Variants in SNX29 observed in about 807,000 individuals in gnomAD.
The protein encoded by SNX29 is sorting nexin 29.
A neutral mutation model predicts 102.1 loss-of-function variants in SNX29; 78 were observed. That is an observed-to-expected ratio of 0.76 (90% CI 0.64 to 0.92). The LOEUF (loss-of-function observed/expected upper bound fraction) is 0.92, where lower values mean the gene tolerates loss of function less well. Among genes scored for constraint, SNX29 ranks in the 40% least tolerant of loss-of-function variants. The pLI, the probability that SNX29 is intolerant of heterozygous loss-of-function variation, is 0.00. For missense variants in SNX29, 1,280 were observed against 1,061.7 expected (o/e 1.21, Z -2.86); for synonymous variants, 580 against 414.5 (o/e 1.40, Z -4.85).
At chr16:12,506,721 G>C (rs889547280) in intron 19 of SNX29, among the ~76,000 whole-genome samples, 3 of 152,200 alleles carry the variant, frequency 2.0e-5, no homozygotes, top group African/African-American at 7.2e-5. Context: ...TCAGGCTTGA[G>C]AACATCAACT....
In SNX29 at chr16:12,572,602, C is replaced by G; in HGVS notation, c.*3973C>G. On this transcript the variant is annotated 3_prime_UTR_variant, in exon 21 of 21. Transcript: ENST00000566228. ...GTTCTCTGGGCTCCCAGTGAGCCCC[C>G]TCCCCTCCGGCTACCCCCAGAATCC... 9.4e-7 allele frequency: 1 copy of G among 1,064,384 alleles called. No homozygotes were observed. Among genetic ancestry groups the G allele is most frequent in the East Asian group, 5.0e-5 (1 of 20,020 alleles). The allele number at this position is 1,064,384 out of a possible 1,614,324, so 65.9% of individuals were successfully genotyped here.
chr16:12,462,016 TACACACACACAC>T (rs375061825), intron 18 of SNX29, among the ~76,000 whole-genome samples: 6 of 65,192 alleles, frequency 9.2e-5, no homozygotes, highest in South Asian at 6.5e-4. Context: ...TATATATGTA[TACACACACACAC>T]ACACACACAC....
intron 11 of SNX29, among the ~76,000 whole-genome samples, chr16:12,082,693 A>G (rs2051967012): frequency 1.3e-5 from 2 of 152,172 alleles, no homozygotes; most frequent in Non-Finnish European, 2.9e-5. Flanking sequence ...GATACTTGGT[A>G]GAAACGTGGT....
chr16:11,997,556 C>T (rs1007313865), intron 1 of SNX29, among the ~76,000 whole-genome samples: 1 of 151,920 alleles, frequency 6.6e-6, no homozygotes, highest in Non-Finnish European at 1.5e-5. Flanking sequence ...CAGCTCACTG[C>T]AGCCATTGCC....
chr16:11,993,257 G>C (rs1419073631), intron 1 of SNX29, among the ~76,000 whole-genome samples: 1 of 152,140 alleles, frequency 6.6e-6, no homozygotes, highest in Non-Finnish European at 1.5e-5. Flanking sequence ...AGTTTACCTG[G>C]AGCTCCAGGG....
chr16:12,286,430 C>G (rs1467242878), intron 15 of SNX29, among the ~76,000 whole-genome samples: 5 of 149,554 alleles, frequency 3.3e-5, no homozygotes, highest in Non-Finnish European at 5.9e-5. Flanking sequence ...ACTGCAAGCT[C>G]TGCCTCCCGG....
At chr16:12,134,984 C>G (rs2054608012) in intron 13 of SNX29, among the ~76,000 whole-genome samples, 1 of 152,174 alleles carries the variant, frequency 6.6e-6, no homozygotes, top group Non-Finnish European at 1.5e-5. Flanking sequence ...GGCCCAAGAG[C>G]CAGAGAACCT....
intron 20 of SNX29, among the ~76,000 whole-genome samples, chr16:12,561,488 G>A (rs956363248): frequency 6.6e-6 from 1 of 152,020 alleles, no homozygotes; most frequent in Non-Finnish European, 1.5e-5. Context: ...TGACCGGCTC[G>A]CCAGACCCAG....
At chr16:12,535,423 C>A (rs903355812) in intron 20 of SNX29, among the ~76,000 whole-genome samples, 3 of 152,218 alleles carry the variant, frequency 2.0e-5, no homozygotes, top group Admixed American at 6.5e-5. Flanking sequence ...TGAGCCACTG[C>A]GCCTGGCCAG....
intron 20 of SNX29, among the ~76,000 whole-genome samples, chr16:12,550,727 G>T (rs561909953): frequency 1.3e-5 from 2 of 152,090 alleles, no homozygotes; most frequent in Non-Finnish European, 2.9e-5. Flanking sequence ...ACACTCCTGT[G>T]TTGCCTATTT....
chr16:12,294,896 A>T (rs550052110), intron 15 of SNX29, among the ~76,000 whole-genome samples: 7 of 135,478 alleles, frequency 5.2e-5, no homozygotes, highest in African/African-American at 1.5e-4. Flanking sequence ...TAATTTATTT[A>T]AAAAAAAAAG....
intron 3 of SNX29, among the ~76,000 whole-genome samples, chr16:12,012,251 G>A (rs1215504100): frequency 6.6e-6 from 1 of 152,144 alleles, no homozygotes; most frequent in Non-Finnish European, 1.5e-5. Flanking sequence ...TTAGGCAGAG[G>A]GAATAGCAGA....
intron 18 of SNX29, among the ~76,000 whole-genome samples, chr16:12,454,491 T>C (rs1461580553): frequency 6.6e-6 from 1 of 152,110 alleles, no homozygotes; most frequent in Non-Finnish European, 1.5e-5. Flanking sequence ...GCACATGGCG[T>C]TTAGGGACTT....
intron 20 of SNX29, among the ~76,000 whole-genome samples, chr16:12,557,015 A>ACCCCCCCCCCCCC (rs11387141): frequency 3.1e-5 from 1 of 31,838 alleles, no homozygotes; most frequent in African/African-American, 1.4e-4. Flanking sequence ...TGGCTAATTT[A>ACCCCCCCCCCCCC]CCCCCCCCCC....
At chr16:12,179,271 T>A (rs975815395) in intron 13 of SNX29, among the ~76,000 whole-genome samples, 1 of 152,138 alleles carries the variant, frequency 6.6e-6, no homozygotes. Context: ...ATCACTTGAG[T>A]TCAGGAGTTC....
Position 12,506,065 on chromosome 16 carries a change from AT to A in SNX29, c.2179-18635del, listed in dbSNP as rs1443496872. On this transcript the variant is annotated intron_variant, in intron 19 of 20. Transcript: ENST00000566228. ...AACCTCCGCCTCCCAGGCTCAAGTGATTCTCATGCCTCAGCCTTCTGAGTAG... is the reference window on the plus strand; with the variant it reads ...AACCTCCGCCTCCCAGGCTCAAGTGATCTCATGCCTCAGCCTTCTGAGTAG... Among the ~76,000 whole-genome samples, 3 of 152,290 alleles carry A rather than the reference AT, an allele frequency of 2.0e-5. No homozygotes were observed. The South Asian group carries it at 6.2e-4, about 32-fold the overall frequency.
In SNX29 at chr16:12,568,597, C is replaced by T. The variant is rs555538602; in HGVS notation, c.2410C>T (p.Arg804Cys). ...GTCCCGGGGTCAGCCCCGGGAGACC[C>T]GCAACGTGGAGCCCCAGAGCGGTGA... ...KLSRGQPRET[R>C]NVEPQSGDL The change falls in exon 21 of 21, where the codon CGC (arginine) becomes TGC (cysteine). Residue 804 changes from arginine to cysteine, a missense_variant. Arg to Cys is a radical substitution (Grantham distance 180). Coordinates refer to ENST00000566228, the MANE Select transcript of SNX29 (RefSeq NM_032167.5). The T allele has an allele frequency of 6.2e-6, 10 of 1,605,864 alleles. No individual in the cohort carries two copies. Among genetic ancestry groups the T allele is most frequent in the Middle Eastern group, 1.6e-4 (1 of 6,062 alleles).
chr16:12,370,301 C>T (rs1251219628), intron 16 of SNX29, among the ~76,000 whole-genome samples: 1 of 151,468 alleles, frequency 6.6e-6, no homozygotes, highest in Non-Finnish European at 1.5e-5. Flanking sequence ...TGGCTCACAC[C>T]TGTAATCCCA....
chr16:12,571,184 G>C lies in SNX29; in HGVS notation c.*2555G>C, dbSNP rs1200447786. On this transcript the variant is annotated 3_prime_UTR_variant, in exon 21 of 21. Transcript: ENST00000566228. ...CCCGTCCTGCTCTCTAGTGTGGTGG[G>C]ATGAACTTCAGGCAACAAACAACTG... is the stretch of plus-strand genomic sequence containing the variant. 6 of 232,314 alleles carry C rather than the reference G, an allele frequency of 2.6e-5. No homozygotes were observed. Among genetic ancestry groups the C allele is most frequent in the East Asian group, 6.1e-5 (1 of 16,494 alleles). 14.4% of individuals were successfully genotyped at this position (232,314 alleles called of 1,614,324 possible).
Sources: allele counts gnomAD v4.1 joint callset (sites outside exome capture counted in the v4.1 genomes callset), GRCh38; gene constraint gnomAD v4.1.1; transcripts MANE v1.5; gene names NCBI Gene and HGNC (gene_info 2026-07-23, HGNC 2026-07-21).